The following RPS6KC1 variants were observed in gnomAD, a reference collection of about 807,000 sequenced individuals.
RPS6KC1 encodes the protein ribosomal protein S6 kinase C1.
RPS6KC1 carries 54 observed loss-of-function variants against 103.8 expected under a neutral mutation model. The ratio of observed to expected loss-of-function variants is 0.52; its 90% CI spans 0.42 to 0.65. The LOEUF (loss-of-function observed/expected upper bound fraction) is 0.65, where lower values mean the gene tolerates loss of function less well. Among genes scored for constraint, RPS6KC1 ranks in the 30% least tolerant of loss-of-function variants. The probability of loss-of-function intolerance (pLI) is 0.00; values close to 1 mark genes in which losing one functional copy is unlikely to be tolerated. For synonymous variants in RPS6KC1, 439 were observed against 438.7 expected (o/e 1.00, Z -0.01); for missense variants, 1,151 against 1,253.8 (o/e 0.92, Z 1.24).
the RPS6KC1 span, among the ~76,000 whole-genome samples, chr1:213,467,268 G>A: frequency 6.6e-6 from 1 of 152,106 alleles, no homozygotes; most frequent in Non-Finnish European, 1.5e-5. Flanking sequence ...CAAAATGGCT[G>A]GTCAGTTTTC....
the RPS6KC1 span, among the ~76,000 whole-genome samples, chr1:213,343,399 A>ATATATGTG: frequency 9.1e-5 from 1 of 11,024 alleles, no homozygotes; most frequent in African/African-American, 2.0e-4. Flanking sequence ...GTGTATATAT[A>ATATATGTG]TATATATATA....
the RPS6KC1 span, among the ~76,000 whole-genome samples, chr1:213,798,321 C>T: frequency 6.6e-6 from 1 of 152,202 alleles, no homozygotes; most frequent in Admixed American, 6.5e-5. Context: ...CCAAGGGCTG[C>T]CCAAGTGGGA....
chr1:213,151,532 TC>T (rs2088909294), intron 6 of RPS6KC1, among the ~76,000 whole-genome samples: 1 of 81,040 alleles, frequency 1.2e-5, no homozygotes, highest in African/African-American at 5.9e-5. Context: ...GCTCCTCGCT[TC>T]CCAGTAGGGG....
the RPS6KC1 span, among the ~76,000 whole-genome samples, chr1:213,752,784 A>T: frequency 6.6e-5 from 10 of 152,216 alleles, no homozygotes; most frequent in African/African-American, 1.9e-4. Flanking sequence ...TGGATTGAGC[A>T]TGGGAAAAGG....
chr1:213,756,966 G>A, the RPS6KC1 span, among the ~76,000 whole-genome samples: 1 of 152,034 alleles, frequency 6.6e-6, no homozygotes, highest in East Asian at 1.9e-4. Context: ...AGTGATCTTT[G>A]ATATTATTTT....
the RPS6KC1 span, among the ~76,000 whole-genome samples, chr1:213,349,088 A>G: frequency 6.6e-6 from 1 of 152,200 alleles, no homozygotes; most frequent in South Asian, 2.1e-4. Flanking sequence ...TTACTCTTTT[A>G]AAAATAAATT....
chr1:213,833,820 G>C, the RPS6KC1 span, among the ~76,000 whole-genome samples: 2 of 152,230 alleles, frequency 1.3e-5, no homozygotes, highest in South Asian at 4.1e-4. Flanking sequence ...GACAAGTCAG[G>C]GTGGCCCACT....
chr1:213,230,412 G>T (rs2094065211), intron 8 of RPS6KC1, 85 bp from the exon 9 acceptor site: 1 of 975,040 alleles, frequency 1.0e-6, no homozygotes, highest in Non-Finnish European at 1.5e-6. Context: ...TTTCAGCCCT[G>T]CCCTACTCTT....
the RPS6KC1 span, among the ~76,000 whole-genome samples, chr1:213,795,591 T>G: frequency 1.3e-5 from 2 of 152,140 alleles, no homozygotes; most frequent in African/African-American, 4.8e-5. Context: ...AATTTCTGGC[T>G]CCAACAAAAT....
chr1:213,203,863 G>C (rs1034030070), intron 8 of RPS6KC1, among the ~76,000 whole-genome samples: 6 of 152,068 alleles, frequency 3.9e-5, no homozygotes, highest in African/African-American at 1.4e-4. Context: ...ATAAAGACTT[G>C]GTAGCTTTTA....
chr1:213,267,166 T>C (rs994739432), intron 14 of RPS6KC1, among the ~76,000 whole-genome samples: 2 of 151,860 alleles, frequency 1.3e-5, no homozygotes, highest in Non-Finnish European at 2.9e-5. Context: ...TTGAATGTGT[T>C]CTGCTATGCG....
At chr1:213,089,078 T>A (rs1383034727) in intron 3 of RPS6KC1, among the ~76,000 whole-genome samples, 3 of 152,364 alleles carry the variant, frequency 2.0e-5, no homozygotes. Context: ...TTGAGATATA[T>A]GTAATAGAGG....
At chr1:213,820,703 G>C in the RPS6KC1 span, 2 of 152,208 alleles carry the variant, frequency 1.3e-5, no homozygotes. Context: ...GGTTCTGAGA[G>C]AGGAACCCCA....
At chr1:213,201,165 A>C (rs538404483) in intron 8 of RPS6KC1, among the ~76,000 whole-genome samples, 2 of 152,210 alleles carry the variant, frequency 1.3e-5, no homozygotes, top group East Asian at 3.8e-4. Context: ...AAGGATGTTT[A>C]TAGCCACTTT....
At chr1:213,054,190 C>T (rs1382519166) in intron 1 of RPS6KC1, among the ~76,000 whole-genome samples, 1 of 152,114 alleles carries the variant, frequency 6.6e-6, no homozygotes, top group Non-Finnish European at 1.5e-5. Flanking sequence ...TAAGTTTTGA[C>T]AATATAAACT....
chr1:213,613,046 G>A, the RPS6KC1 span, among the ~76,000 whole-genome samples: 2 of 152,158 alleles, frequency 1.3e-5, no homozygotes, highest in Non-Finnish European at 2.9e-5. Flanking sequence ...CATGTCATCA[G>A]CAGCTGTAAC....
the RPS6KC1 span, among the ~76,000 whole-genome samples, chr1:213,848,610 T>C: frequency 6.6e-6 from 1 of 152,128 alleles, no homozygotes; most frequent in Non-Finnish European, 1.5e-5. Flanking sequence ...CTAATATATA[T>C]TAATTTCCCC....
chr1:213,058,336 T>C (rs1180152998), intron 1 of RPS6KC1, among the ~76,000 whole-genome samples: 2 of 152,124 alleles, frequency 1.3e-5, no homozygotes, highest in African/African-American at 4.8e-5. Flanking sequence ...ACCTAAAATC[T>C]CTGCCTAACC....
chr1:213,187,819 G>T (rs71635905), intron 8 of RPS6KC1, among the ~76,000 whole-genome samples: 1,829 of 151,618 alleles, frequency 0.012, 37 homozygotes, highest in South Asian at 0.012. Flanking sequence ...ATTTATTCTA[G>T]TTTTTTTTCT....
Sources: gnomAD v4.1 joint callset for allele counts (sites outside exome capture counted in the v4.1 genomes callset) on GRCh38, gnomAD v4.1.1 for gene constraint, MANE v1.5 for transcripts, NCBI Gene and HGNC (gene_info 2026-07-23, HGNC 2026-07-21) for gene names.